Variants in MCM5 observed in about 807,000 individuals in gnomAD.
The protein encoded by MCM5 is minichromosome maintenance complex component 5.
MCM5 carries 46 observed loss-of-function variants against 79.9 expected under a neutral mutation model. The ratio of observed to expected loss-of-function variants is 0.58; its 90% CI spans 0.45 to 0.74. The LOEUF (loss-of-function observed/expected upper bound fraction) is 0.74. Among genes scored for constraint, MCM5 ranks in the 30% least tolerant of loss-of-function variants. MCM5 has a pLI of 0.00. For missense variants in MCM5, 883 were observed against 1,017.0 expected, an observed-to-expected ratio of 0.87 and a Z score of 1.79; for synonymous variants, 404 against 390.5, an observed-to-expected ratio of 1.03 and a Z score of -0.41.
At position 35,423,275 on chromosome 22, in the gene MCM5, C is replaced by T. The variant is rs775707884; in HGVS notation, c.2037C>T (p.Leu679=). The change falls in exon 16 of 17, where the codon CTC becomes CTT. Residue 679 remains leucine, a synonymous_variant. Transcript: ENST00000216122. The part of the protein sequence containing the change: ...QEMLSRIEKQ[L]KRRFAIGSQV... ...TGCTGAGCCGCATCGAGAAGCAGCT[C>T]AAGCGCCGCTTTGCCATTGGCTCCC... The T allele has an allele frequency of 7.1e-5, 115 of 1,608,666 alleles. No individual in the cohort carries two copies. The highest frequency in any genetic ancestry group is 9.5e-5 in the Non-Finnish European group (112 of 1,176,642).
At chr22:35,438,085 A>G in the MCM5 span, among the ~76,000 whole-genome samples, 9 of 152,136 alleles carry the variant, frequency 5.9e-5, no homozygotes, top group Non-Finnish European at 1.3e-4. Context: ...GGCACGGACC[A>G]TTGTCTCTTA....
the MCM5 span, among the ~76,000 whole-genome samples, chr22:35,452,680 C>T: frequency 6.6e-6 from 1 of 152,196 alleles, no homozygotes; most frequent in Admixed American, 6.5e-5. Context: ...TCTGCAGCTC[C>T]TGGTTAGCCC....
At position 35,400,621 on chromosome 22, in the gene MCM5, G is replaced by A. The variant is rs1432281612; in HGVS notation, c.167+16G>A. 6.3e-7 allele frequency: 1 copy of A among 1,584,686 alleles called. No homozygotes were observed. The highest frequency in any genetic ancestry group is 1.3e-5 in the African/African-American group (1 of 74,270). Reference sequence around the variant, plus strand: ...TCAAATACAGGTGCGGCTCCTGCGGGGCCGGGGGCTCGAGTTCCAGTGTGG... The same window carrying A: ...TCAAATACAGGTGCGGCTCCTGCGGAGCCGGGGGCTCGAGTTCCAGTGTGG... On this transcript the variant is annotated intron_variant, in intron 2 of 16. Transcript: ENST00000216122.
At chr22:35,432,610 G>T in the MCM5 span, among the ~76,000 whole-genome samples, 31 of 152,344 alleles carry the variant, frequency 2.0e-4, no homozygotes, top group East Asian at 2.1e-3. Flanking sequence ...ATGTAGTCAG[G>T]TGAATAATTC....
the MCM5 span, among the ~76,000 whole-genome samples, chr22:35,442,013 TCCCTTTCAGCTCCTCA>T: frequency 6.6e-6 from 1 of 152,002 alleles, no homozygotes; most frequent in East Asian, 1.9e-4. Flanking sequence ...TCTCCCCTGT[TCCCTTTCAGCTCCTCA>T]CCAATCTGGT....
Position 35,420,012 on chromosome 22 carries a change from G to A in MCM5, c.1832G>A (p.Arg611Gln), listed in dbSNP as rs1484732695. The change falls in exon 14 of 17, where the codon CGG becomes CAG. Residue 611 changes from arginine to glutamine, a missense_variant and splice_region_variant. By Grantham distance (43) the Arg-to-Gln change is conservative (BLOSUM62 1). Transcript: ENST00000216122. ...DRRSSIPITV[R>Q]QLEAIVRIAE... ...CGCTCCAGCATCCCCATCACTGTGC[G>A]GTGAGCAGGCGGGCAGGGCTGGGCC... is the stretch of plus-strand genomic sequence containing the variant. The A allele has an allele frequency of 3.7e-6, 6 of 1,607,556 alleles. No homozygotes were observed. The highest frequency in any genetic ancestry group is 2.2e-5 in the East Asian group (1 of 44,604).
chr22:35,418,063 C>G (rs1932593517), intron 13 of MCM5, among the ~76,000 whole-genome samples: 1 of 152,148 alleles, frequency 6.6e-6, no homozygotes, highest in Non-Finnish European at 1.5e-5. Context: ...ACCTCCACAC[C>G]AAGGAGGTGG....
chr22:35,413,568 T>C (rs1217239911), intron 8 of MCM5, among the ~76,000 whole-genome samples: 1 of 152,162 alleles, frequency 6.6e-6, no homozygotes, highest in Non-Finnish European at 1.5e-5. Flanking sequence ...TCCTTTTCTT[T>C]CAAGCTGGGA....
intron 14 of MCM5, 103 bp downstream of exon 14, chr22:35,420,115 C>T (rs745773738): frequency 5.7e-6 from 8 of 1,391,422 alleles, no homozygotes; most frequent in Non-Finnish European, 7.7e-6. Flanking sequence ...TCACTTGGCA[C>T]AGGCCCATAG....
chr22:35,421,780 G>T (rs1011216855), intron 15 of MCM5: 1 of 398,970 alleles, frequency 2.5e-6, no homozygotes, highest in Non-Finnish European at 4.8e-6. Flanking sequence ...AGCATTTTCA[G>T]TGCTTCCAGA....
chr22:35,421,758 C>T (rs749864292), intron 15 of MCM5: 2 of 443,028 alleles, frequency 4.5e-6, no homozygotes, highest in African/African-American at 4.0e-5. Flanking sequence ...GCTCTGCTTC[C>T]TAGAGCTTGT....
At chr22:35,403,872 T>C (rs1932135368) in intron 4 of MCM5, among the ~76,000 whole-genome samples, 1 of 152,196 alleles carries the variant, frequency 6.6e-6, no homozygotes, top group South Asian at 2.1e-4. Context: ...TCTTAGCACT[T>C]TGGGAGGCCG....
At chr22:35,426,484 C>T (rs945517250), downstream of MCM5, among the ~76,000 whole-genome samples, 1 of 152,180 alleles carries the variant, frequency 6.6e-6, no homozygotes, top group African/African-American at 2.4e-5. Flanking sequence ...GCTCTTCACT[C>T]ACCTGTGACC....
chr22:35,421,236 A>C, intron 14 of MCM5, 82 bp from the exon 15 acceptor site: 1 of 1,469,884 alleles, frequency 6.8e-7, no homozygotes, highest in East Asian at 2.4e-5. Context: ...ACTTTGGGCA[A>C]GCACCTCCCT....
At chr22:35,454,857 GCACCCCTGGTCTC>G in the MCM5 span, among the ~76,000 whole-genome samples, 2 of 152,002 alleles carry the variant, frequency 1.3e-5, no homozygotes, top group African/African-American at 4.8e-5. Context: ...ATGTGGAGTA[GCACCCCTGGTCTC>G]CACCCACTAG....
downstream of MCM5, among the ~76,000 whole-genome samples, chr22:35,428,856 A>G (rs778108799): frequency 4.6e-5 from 7 of 151,060 alleles, no homozygotes; most frequent in Admixed American, 1.3e-4. Flanking sequence ...TCACAGGCAT[A>G]GTCACAGTGC....
chr22:35,400,281 G>A, intron 1 of MCM5, 73 bp downstream of exon 1: 1 of 777,182 alleles, frequency 1.3e-6, no homozygotes, highest in Non-Finnish European at 2.2e-6. Context: ...GTTGGAGTGG[G>A]ACAGGAGTTT....
Position 35,417,845 on chromosome 22 carries a change from C to G in MCM5, c.1692C>G (p.Ala564=). The change falls in exon 13 of 17, where the codon GCC becomes GCG. Residue 564 remains alanine (A), a synonymous_variant. Coordinates refer to ENST00000216122, the MANE Select transcript of MCM5 (RefSeq NM_006739.4). ...IDLAKLKKFI[A]YCRVKCGPRL... is the part of the protein sequence containing the mutation. ...TGGCCAAGCTGAAGAAGTTTATTGC[C>G]TACTGCCGAGTGTGAGTCCTGGACG... is the stretch of plus-strand genomic sequence containing the variant. 1 of 1,613,872 alleles carries G rather than the reference C, an allele frequency of 6.2e-7. No homozygotes were observed. The highest frequency in any genetic ancestry group is 8.5e-7 in the Non-Finnish European group (1 of 1,179,756).
intron 16 of MCM5, 47 bp from the exon 17 acceptor site, chr22:35,424,107 G>A: frequency 7.6e-7 from 1 of 1,310,650 alleles, no homozygotes; most frequent in Non-Finnish European, 1.1e-6. Context: ...CTCTGTCGGA[G>A]TCCCCTCGGG....
Sources: gnomAD v4.1 joint callset for allele counts (sites outside exome capture counted in the v4.1 genomes callset) on GRCh38, gnomAD v4.1.1 for gene constraint, MANE v1.5 for transcripts, NCBI Gene and HGNC (gene_info 2026-07-23, HGNC 2026-07-21) for gene names.